Variants in ATP13A4 observed in about 807,000 individuals in gnomAD.
The protein encoded by ATP13A4 is ATPase 13A4.
ATP13A4 carries 114 observed loss-of-function variants against 142.5 expected under a neutral mutation model. That is an observed-to-expected ratio of 0.80 (90% CI 0.69 to 0.93). ATP13A4 has a LOEUF of 0.93. ATP13A4 is among the 40% of genes least tolerant of loss of function. The probability of loss-of-function intolerance (pLI) is 0.00; values close to 1 mark genes in which losing one functional copy is unlikely to be tolerated. For missense variants in ATP13A4, 1,392 were observed against 1,454.0 expected (o/e 0.96, Z 0.69); for synonymous variants, 488 against 514.8 (o/e 0.95, Z 0.70).
intron 1 of ATP13A4, 57 bp downstream of exon 1, chr3:193,554,683 T>C (rs1178095462): frequency 2.5e-5 from 35 of 1,380,204 alleles, no homozygotes; most frequent in Admixed American, 1.2e-4. Context: ...TGTGTGTGTG[T>C]GTGTCTCGCA....
intron 25 of ATP13A4, among the ~76,000 whole-genome samples, chr3:193,425,119 A>T (rs908160525): frequency 7.3e-6 from 1 of 136,562 alleles, no homozygotes; most frequent in Non-Finnish European, 1.5e-5. Context: ...AATGTTCAAC[A>T]TCATTAATAT....
intron 1 of ATP13A4, among the ~76,000 whole-genome samples, chr3:193,545,336 A>G (rs927531935): frequency 2.0e-5 from 3 of 152,148 alleles, no homozygotes; most frequent in African/African-American, 7.2e-5. Context: ...CTGAAATCAG[A>G]GTGTCCTGGC....
intron 29 of ATP13A4, among the ~76,000 whole-genome samples, chr3:193,403,382 C>T (rs973844744): frequency 6.6e-6 from 1 of 152,114 alleles, no homozygotes; most frequent in Non-Finnish European, 1.5e-5. Context: ...ATTTAGGTCC[C>T]AGTTCTGACA....
intron 1 of ATP13A4, among the ~76,000 whole-genome samples, chr3:193,527,763 T>C (rs530199530): frequency 4.6e-5 from 7 of 152,270 alleles, no homozygotes; most frequent in African/African-American, 1.7e-4. Context: ...TAAACCTCTT[T>C]TCTTTTATAA....
At chr3:193,525,068 G>A (rs938595061) in intron 1 of ATP13A4, among the ~76,000 whole-genome samples, 14 of 152,152 alleles carry the variant, frequency 9.2e-5, no homozygotes, top group Admixed American at 2.6e-4. Flanking sequence ...CAAACTATGC[G>A]TCAGGGATTG....
At chr3:193,559,054 G>T (rs1030676592), upstream of ATP13A4, among the ~76,000 whole-genome samples, 1 of 152,190 alleles carries the variant, frequency 6.6e-6, no homozygotes, top group African/African-American at 2.4e-5. Context: ...TGCCAGGGCC[G>T]TGGGGATGCT....
At chr3:193,521,673 C>T (rs932187402) in intron 1 of ATP13A4, among the ~76,000 whole-genome samples, 3 of 152,202 alleles carry the variant, frequency 2.0e-5, no homozygotes, top group African/African-American at 4.8e-5. Context: ...TGGCTCATGC[C>T]TGTAATCCCA....
intron 8 of ATP13A4, among the ~76,000 whole-genome samples, chr3:193,475,307 C>T (rs910692456): frequency 6.6e-6 from 1 of 151,988 alleles, no homozygotes; most frequent in African/African-American, 2.4e-5. Flanking sequence ...GAGTACCATG[C>T]AGCTGAAATA....
rs768459534 is a variant in ATP13A4 at position 193,464,951 on chromosome 3, A to G, written c.1450T>C (p.Cys484Arg). The change falls in exon 12 of 30, where the codon TGC becomes CGC. Residue 484 changes from cysteine (C) to arginine (R), a missense_variant. By Grantham distance (180) the Cys-to-Arg change is radical (BLOSUM62 -3). Coordinates refer to ENST00000342695, the MANE Select transcript of ATP13A4 (RefSeq NM_032279.4). ...TGAAACACACATACCTTGTCAAAGC[A>G]GACAAGGTTTAACTGTCCACATACG... The part of the protein sequence containing the change: ...INVCGQLNLV[C>R]FDKTGTLTRD... The G allele has an allele frequency of 1.9e-6, 3 of 1,613,702 alleles. No homozygotes were observed. Among genetic ancestry groups the G allele is most frequent in the South Asian group, 1.1e-5 (1 of 91,070 alleles).
chr3:193,507,831 T>C (rs548819374), intron 2 of ATP13A4, among the ~76,000 whole-genome samples: 10 of 152,226 alleles, frequency 6.6e-5, no homozygotes, highest in Non-Finnish European at 1.3e-4. Context: ...TCCTTAGTTC[T>C]CACAAGGAGA....
At chr3:193,408,147 T>C (rs1434393659) in intron 28 of ATP13A4, among the ~76,000 whole-genome samples, 2 of 152,270 alleles carry the variant, frequency 1.3e-5, no homozygotes, top group Non-Finnish European at 2.9e-5. Flanking sequence ...TATCTGGCAC[T>C]GACTTATGCA....
intron 19 of ATP13A4, among the ~76,000 whole-genome samples, chr3:193,441,816 ATCT>A (rs1330108027): frequency 6.6e-6 from 1 of 152,196 alleles, no homozygotes; most frequent in Non-Finnish European, 1.5e-5. Context: ...TCGTGATTTG[ATCT>A]TGGTGAGTCC....
At chr3:193,452,094 C>T (rs993206190) in intron 17 of ATP13A4, among the ~76,000 whole-genome samples, 28 of 152,170 alleles carry the variant, frequency 1.8e-4, no homozygotes, top group Admixed American at 5.9e-4. Flanking sequence ...TGCTTTGTTA[C>T]GTGCATGCAT....
intron 1 of ATP13A4, among the ~76,000 whole-genome samples, chr3:193,544,890 T>G (rs754420891): frequency 6.6e-6 from 1 of 152,168 alleles, no homozygotes; most frequent in Non-Finnish European, 1.5e-5. Context: ...TATGCTTAAT[T>G]TCTGTTTTTT....
chr3:193,484,617 T>C (rs1041674158), intron 7 of ATP13A4, among the ~76,000 whole-genome samples: 5 of 152,184 alleles, frequency 3.3e-5, no homozygotes, highest in Admixed American at 2.6e-4. Context: ...TCAAATTATT[T>C]GCGAATCTGA....
chr3:193,435,757 AG>A lies in ATP13A4; in HGVS notation c.2673-14del. ...TGCACGTCCTTCCCTGTGTAAGAAA[AG>A]AAATGATAAAGACATGAAAGTAATG... On this transcript the variant is annotated splice_polypyrimidine_tract_variant and intron_variant, in intron 23 of 29. Transcript: ENST00000342695. The A allele has an allele frequency of 6.2e-7, 1 of 1,604,488 alleles. No individual in the cohort carries two copies. The highest frequency in any genetic ancestry group is 1.1e-5 in the South Asian group (1 of 90,866).
chr3:193,465,367 T>C (rs539924433), intron 11 of ATP13A4, among the ~76,000 whole-genome samples: 2 of 152,326 alleles, frequency 1.3e-5, no homozygotes, highest in Admixed American at 6.5e-5. Flanking sequence ...TTTGTATTTT[T>C]AGTAGAGACG....
intron 1 of ATP13A4, among the ~76,000 whole-genome samples, chr3:193,535,388 C>T (rs2108708025): frequency 6.6e-6 from 1 of 152,140 alleles, no homozygotes; most frequent in African/African-American, 2.4e-5. Flanking sequence ...TAACAAAAAA[C>T]TCTCCAAACC....
intron 6 of ATP13A4, 52 bp from the exon 7 acceptor site, chr3:193,489,916 C>A: frequency 1.3e-6 from 2 of 1,564,806 alleles, no homozygotes; most frequent in South Asian, 1.1e-5. Context: ...AGGCTTCACT[C>A]TGCTCTTCAT....
Sources: gnomAD v4.1 joint callset for allele counts (sites outside exome capture counted in the v4.1 genomes callset) on GRCh38, gnomAD v4.1.1 for gene constraint, MANE v1.5 for transcripts, NCBI Gene and HGNC (gene_info 2026-07-23, HGNC 2026-07-21) for gene names.